The following EML4 variants were observed in gnomAD, a reference collection of about 807,000 sequenced individuals.
The protein encoded by EML4 is EMAP like 4, also known as echinoderm microtubule-associated protein-like 4.
In EML4, 72 loss-of-function variants were observed where a neutral mutation model predicts 129.0. That is an observed-to-expected ratio of 0.56 (90% CI 0.46 to 0.68). The LOEUF is 0.68. EML4 is among the 30% of genes least tolerant of loss of function. The pLI is 0.00. For synonymous variants in EML4, 532 were observed against 405.0 expected (o/e 1.31, Z -3.77); for missense variants, 1,363 against 1,190.6 (o/e 1.14, Z -2.13).
intron 1 of EML4, chr2:42,170,220 C>G (rs375848747): frequency 3.3e-5 from 5 of 152,426 alleles, no homozygotes; most frequent in African/African-American, 1.2e-4. Flanking sequence ...CCTTTTCAAT[C>G]CCTCCACTTC....
chr2:42,182,435 C>G (rs931592801), intron 1 of EML4, among the ~76,000 whole-genome samples: 8 of 151,918 alleles, frequency 5.3e-5, no homozygotes, highest in African/African-American at 1.9e-4. Flanking sequence ...GCCAGGCTGC[C>G]TTTCTCATCC....
At chr2:42,270,447 A>G (rs902187621) in intron 6 of EML4, among the ~76,000 whole-genome samples, 5 of 152,156 alleles carry the variant, frequency 3.3e-5, no homozygotes, top group African/African-American at 1.2e-4. Context: ...AGTCCCAGCT[A>G]CTTGGGAGGC....
chr2:42,220,914 G>A (rs551048547), intron 1 of EML4, among the ~76,000 whole-genome samples: 11 of 152,308 alleles, frequency 7.2e-5, no homozygotes, highest in Admixed American at 7.2e-4. Context: ...CTAATCCAGA[G>A]CAAGGCTCTA....
intron 1 of EML4, among the ~76,000 whole-genome samples, chr2:42,220,236 AT>A (rs56896362): frequency 0.052 from 7,214 of 139,960 alleles, 209 homozygotes; most frequent in South Asian, 0.087. Flanking sequence ...CAGATACTGT[AT>A]TTTTTTTTTT....
chr2:42,262,884 A>C (rs190116750), intron 4 of EML4, among the ~76,000 whole-genome samples: 18 of 152,348 alleles, frequency 1.2e-4, no homozygotes, highest in African/African-American at 4.1e-4. Context: ...TATAAGAAAC[A>C]TTACTCAGAT....
chr2:42,296,477 T>TTCCC (rs1667962291), intron 13 of EML4, among the ~76,000 whole-genome samples: 2 of 148,920 alleles, frequency 1.3e-5, no homozygotes, highest in Non-Finnish European at 3.0e-5. Context: ...CACCTTATAC[T>TTCCC]TCTCTCTCTC....
At chr2:42,253,341 A>G (rs946738295) in intron 2 of EML4, among the ~76,000 whole-genome samples, 1 of 152,226 alleles carries the variant, frequency 6.6e-6, no homozygotes, top group African/African-American at 2.4e-5. Flanking sequence ...TAATTCGTCC[A>G]AGATGCCTAT....
chr2:42,215,774 C>T (rs1173114664), intron 1 of EML4, among the ~76,000 whole-genome samples: 1 of 152,134 alleles, frequency 6.6e-6, no homozygotes, highest in African/African-American at 2.4e-5. Context: ...TATTGCTATA[C>T]CTTCTCCCTT....
At chr2:42,202,156 G>T (rs564234042) in intron 1 of EML4, among the ~76,000 whole-genome samples, 2 of 152,216 alleles carry the variant, frequency 1.3e-5, no homozygotes, top group African/African-American at 4.8e-5. Context: ...AGGGAAAGGA[G>T]AGGCGTTGGT....
chr2:42,301,480 A>G, intron 14 of EML4, 88 bp downstream of exon 14: 2 of 1,024,656 alleles, frequency 2.0e-6, no homozygotes, highest in Non-Finnish European at 2.7e-6. Flanking sequence ...CTTTTCTGGC[A>G]AACTTATTAA....
chr2:42,199,098 A>G (rs1018268261), intron 1 of EML4, among the ~76,000 whole-genome samples: 15 of 152,236 alleles, frequency 9.9e-5, no homozygotes, highest in African/African-American at 3.6e-4. Context: ...ATTAACACCA[A>G]AAGTTTCCAT....
intron 1 of EML4, among the ~76,000 whole-genome samples, chr2:42,221,672 C>T (rs913192365): frequency 4.0e-5 from 6 of 151,838 alleles, no homozygotes; most frequent in African/African-American, 7.3e-5. Context: ...GGCGTGATCT[C>T]GGCTCATCAC....
rs187899465 is a variant in EML4, at chr2:42,232,165, T to C, written c.26-13340T>C. On this transcript the variant is annotated intron_variant, in intron 1 of 22. Transcript: ENST00000318522. ...CTGAGACTGGGTCTCACAAGCTTTT[T>C]CCCTGAAATTAGATTTCGATTTGAG... 4.8e-3 allele frequency among the ~76,000 whole-genome samples: 734 copies of C among 152,304 alleles called. 5 individuals are homozygous for C. The highest frequency in any genetic ancestry group is 0.014 in the Middle Eastern group (4 of 294).
At chr2:42,286,690 G>C (rs564637448) in intron 10 of EML4, among the ~76,000 whole-genome samples, 8 of 152,304 alleles carry the variant, frequency 5.3e-5, no homozygotes, top group Admixed American at 2.6e-4. Flanking sequence ...TACAATTTCA[G>C]ACAAGCAATA....
intron 4 of EML4, among the ~76,000 whole-genome samples, chr2:42,262,373 A>T (rs963265164): frequency 2.0e-5 from 3 of 152,146 alleles, no homozygotes; most frequent in Non-Finnish European, 2.9e-5. Context: ...ATAGCTTATT[A>T]ACGTTACATA....
At chr2:42,270,918 T>C (rs970062269) in intron 6 of EML4, among the ~76,000 whole-genome samples, 2 of 152,194 alleles carry the variant, frequency 1.3e-5, no homozygotes, top group Non-Finnish European at 2.9e-5. Context: ...ATTTTTGAGA[T>C]AGGGTCTCAC....
rs754882319 is a variant in EML4 at position 42,328,896 on chromosome 2, A to G, written c.2352A>G (p.Pro784=). 36 of 1,608,450 alleles carry G rather than the reference A, an allele frequency of 2.2e-5. No homozygotes were observed. The highest frequency in any genetic ancestry group is 2.9e-5 in the Non-Finnish European group (34 of 1,177,050). Residue 784 remains proline (P), a synonymous_variant, in exon 22 of 23, where the codon CCA becomes CCG. Transcript: ENST00000318522. ...GTTTCCATATCAAAGGTGTCTGGCC[A>G]GAAGGATCTGATGGGACAGATATCA... The part of the protein sequence containing the change: ...VLGFQVFGVW[P]EGSDGTDINA...
At chr2:42,173,941 A>G (rs543765226) in intron 1 of EML4, among the ~76,000 whole-genome samples, 2 of 152,378 alleles carry the variant, frequency 1.3e-5, no homozygotes, top group South Asian at 2.1e-4. Flanking sequence ...AGCACCATTT[A>G]GAATGCTGTG....
chr2:42,189,064 A>T (rs1260287771), intron 1 of EML4, among the ~76,000 whole-genome samples: 1 of 151,910 alleles, frequency 6.6e-6, no homozygotes, highest in Non-Finnish European at 1.5e-5. Context: ...ATGGGATTTC[A>T]CTTTGTTGCC....
Sources: gnomAD v4.1 joint callset for allele counts (sites outside exome capture counted in the v4.1 genomes callset) on GRCh38, gnomAD v4.1.1 for gene constraint, MANE v1.5 for transcripts, NCBI Gene and HGNC (gene_info 2026-07-23, HGNC 2026-07-21) for gene names.